ZCCHC24: variants seen among roughly 807,000 people sequenced by gnomAD.
The protein encoded by ZCCHC24 is zinc finger CCHC domain-containing protein 24.
In ZCCHC24, 10 loss-of-function variants were observed where a neutral mutation model predicts 26.2. That is an observed-to-expected ratio of 0.38 (90% CI 0.24 to 0.65). The LOEUF (loss-of-function observed/expected upper bound fraction) is 0.65. Ranked by LOEUF, ZCCHC24 falls within the 30% of genes least tolerant of loss-of-function variation. ZCCHC24 has a pLI of 0.54. For synonymous variants in ZCCHC24, 144 were observed against 147.1 expected (o/e 0.98, Z 0.15); for missense variants, 243 against 329.1 (o/e 0.74, Z 2.03).
intron 1 of ZCCHC24, among the ~76,000 whole-genome samples, chr10:79,436,907 C>A (rs1857224183): frequency 6.6e-6 from 1 of 152,170 alleles, no homozygotes; most frequent in South Asian, 2.1e-4. Flanking sequence ...AGGTCAGTGA[C>A]CCCAGCAGGT....
rs1057442041 is a variant in ZCCHC24, at chr10:79,395,110, T to C, written c.448-670A>G. On this transcript the variant is annotated intron_variant, in intron 2 of 3. Transcript: ENST00000372336. ...ATTTTTTCGAGACAGGGTCTCGATA[T>C]ATTGGCCAGGCTGGACTCAAACTCC... Among the ~76,000 whole-genome samples the C allele has an allele frequency of 2.6e-5, 4 of 152,350 alleles. No individual in the cohort carries two copies. In the East Asian group the frequency reaches 7.7e-4, roughly 29 times the overall value.
intron 2 of ZCCHC24, 165 bp from the exon 3 acceptor site, chr10:79,394,605 C>T (rs1036247618): frequency 2.4e-5 from 24 of 985,254 alleles, no homozygotes; most frequent in South Asian, 1.4e-4. Context: ...AGAGCACAGA[C>T]GGGAATCCGA....
In ZCCHC24 at chr10:79,445,213, G is replaced by A; in HGVS notation, c.228C>T (p.Phe76=). The A allele has an allele frequency of 7.7e-7, 1 of 1,306,972 alleles. No homozygotes were observed. Among genetic ancestry groups the A allele is most frequent in the Non-Finnish European group, 9.8e-7 (1 of 1,020,862 alleles). 81.0% of individuals were successfully genotyped at this position (1,306,972 alleles called of 1,614,324 possible). A position where few individuals can be genotyped will look rare whatever the true frequency, so the allele number is the denominator to read the frequency against. ...CACCCACCTCTCCGCGCTGCAGCTG[G>A]AAGAAGCTGTTGAGATAGCTGGAGT... ...PLHSSYLNSF[F]QLQRGEALSN... The change falls in exon 1 of 4, where the codon TTC becomes TTT. Residue 76 remains phenylalanine (F), a synonymous_variant. Transcript: ENST00000372336.
At chr10:79,389,165 C>A (rs1381730367) in intron 3 of ZCCHC24, among the ~76,000 whole-genome samples, 1 of 152,196 alleles carries the variant, frequency 6.6e-6, no homozygotes, top group Non-Finnish European at 1.5e-5. Context: ...ACAGCGCTCT[C>A]CCCTGGGAAT....
At chr10:79,386,826 T>TCTGCC (rs1856404568) in intron 3 of ZCCHC24, among the ~76,000 whole-genome samples, 1 of 152,168 alleles carries the variant, frequency 6.6e-6, no homozygotes, top group Admixed American at 6.5e-5. Flanking sequence ...ACTGCTCTGC[T>TCTGCC]CTGCCCTGAG....
At chr10:79,389,293 T>C (rs938738053) in intron 3 of ZCCHC24, among the ~76,000 whole-genome samples, 2 of 152,240 alleles carry the variant, frequency 1.3e-5, no homozygotes, top group African/African-American at 4.8e-5. Context: ...CCATGGAGAC[T>C]GAAGGGGTCA....
chr10:79,402,762 T>A (rs1335848240), intron 2 of ZCCHC24, among the ~76,000 whole-genome samples: 1 of 152,222 alleles, frequency 6.6e-6, no homozygotes, highest in Non-Finnish European at 1.5e-5. Context: ...CACACAGCCA[T>A]GGAGCCAGAA....
rs1856343916 is a variant in ZCCHC24, at chr10:79,383,090, C to A, written c.*3255G>T. The A allele has an allele frequency of 6.5e-6, 1 of 152,748 alleles. No homozygotes were observed. Among genetic ancestry groups the A allele is most frequent in the Non-Finnish European group, 1.5e-5 (1 of 68,048 alleles). The allele number at this position is 152,748 out of a possible 1,614,324, so 9.5% of individuals were successfully genotyped here. Reference sequence around the variant, plus strand: ...TTTGTTATCCTCAGTGGAAGAGGCACAAAGGGGTCACCATTCCCTTTTTCA... The same window carrying A: ...TTTGTTATCCTCAGTGGAAGAGGCAAAAAGGGGTCACCATTCCCTTTTTCA... On this transcript the variant is annotated 3_prime_UTR_variant, in exon 4 of 4. Transcript: ENST00000372336.
intron 2 of ZCCHC24, among the ~76,000 whole-genome samples, chr10:79,410,686 T>A (rs2132194282): frequency 6.6e-6 from 1 of 151,604 alleles, no homozygotes; most frequent in South Asian, 2.1e-4. Flanking sequence ...AATGCGAAAG[T>A]CTGCCTGGCA....
intron 1 of ZCCHC24, among the ~76,000 whole-genome samples, chr10:79,435,819 G>A (rs988983880): frequency 6.6e-6 from 1 of 152,216 alleles, no homozygotes; most frequent in Non-Finnish European, 1.5e-5. Context: ...CTGAGGCCCC[G>A]TTTGAGCTCA....
At chr10:79,399,135 C>T (rs1383815077) in intron 2 of ZCCHC24, among the ~76,000 whole-genome samples, 2 of 152,172 alleles carry the variant, frequency 1.3e-5, no homozygotes, top group Admixed American at 1.3e-4. Context: ...AGGTGGCCTA[C>T]AGGGCAGGGG....
intron 2 of ZCCHC24, among the ~76,000 whole-genome samples, chr10:79,398,612 G>C (rs1462707210): frequency 6.6e-6 from 1 of 152,168 alleles, no homozygotes; most frequent in East Asian, 1.9e-4. Context: ...CCCTGGGTAG[G>C]AATGGACTGG....
At chr10:79,436,118 G>A (rs1021777082) in intron 1 of ZCCHC24, among the ~76,000 whole-genome samples, 2 of 152,160 alleles carry the variant, frequency 1.3e-5, no homozygotes, top group Non-Finnish European at 2.9e-5. Context: ...TCTGTTCTGT[G>A]GCCTTCCTTC....
chr10:79,417,443 G>T (rs1856879248), intron 2 of ZCCHC24, among the ~76,000 whole-genome samples: 4 of 152,156 alleles, frequency 2.6e-5, no homozygotes, highest in Admixed American at 1.3e-4. Flanking sequence ...CCTGATTTCT[G>T]CCAGGGCTGG....
chr10:79,393,345 C>T (rs569571635), intron 3 of ZCCHC24, among the ~76,000 whole-genome samples: 1 of 152,356 alleles, frequency 6.6e-6, no homozygotes, highest in South Asian at 2.1e-4. Flanking sequence ...CCTGCCCAGG[C>T]TGCCCAGTTC....
rs1474518097 is a variant in ZCCHC24 at position 79,382,354 on chromosome 10, C to G, written c.*3991G>C. The G allele has an allele frequency of 1.3e-5, 2 of 152,784 alleles. No individual in the cohort carries two copies. Among genetic ancestry groups the G allele is most frequent in the African/African-American group, 4.8e-5 (2 of 41,444 alleles). 9.5% of individuals were successfully genotyped at this position (152,784 alleles called of 1,614,324 possible). ...GCTTTTAAAAGTCCTTTTAATACAG[C>G]ATGAAGAGGCTATATTTCTATAGGC... On this transcript the variant is annotated 3_prime_UTR_variant, in exon 4 of 4. Transcript: ENST00000372336.
chr10:79,400,327 C>T (rs1007167769), intron 2 of ZCCHC24, among the ~76,000 whole-genome samples: 1 of 152,236 alleles, frequency 6.6e-6, no homozygotes, highest in Non-Finnish European at 1.5e-5. Context: ...ATGAGCGAAA[C>T]ATTCAACAAC....
chr10:79,410,460 G>C (rs1856774651), intron 2 of ZCCHC24, among the ~76,000 whole-genome samples: 1 of 152,246 alleles, frequency 6.6e-6, no homozygotes, highest in Non-Finnish European at 1.5e-5. Flanking sequence ...AGGATGAGCA[G>C]AGCCCCATGT....
chr10:79,432,261 G>A (rs2132218052), intron 2 of ZCCHC24, among the ~76,000 whole-genome samples: 1 of 152,350 alleles, frequency 6.6e-6, no homozygotes, highest in South Asian at 2.1e-4. Context: ...AAAAAAGACT[G>A]GTGGAGACCC....
Sources: allele counts gnomAD v4.1 joint callset (sites outside exome capture counted in the v4.1 genomes callset), GRCh38; gene constraint gnomAD v4.1.1; transcripts MANE v1.5; gene names NCBI Gene and HGNC (gene_info 2026-07-23, HGNC 2026-07-21).